The following RMND1 variants were observed in gnomAD, a reference collection of about 807,000 sequenced individuals.
RMND1 encodes the protein required for meiotic nuclear division protein 1 homolog.
In RMND1, 41 loss-of-function variants were observed where a neutral mutation model predicts 54.0. That is an observed-to-expected ratio of 0.76 (90% CI 0.59 to 0.98). The LOEUF (loss-of-function observed/expected upper bound fraction) is 0.98. RMND1 is among the 50% of genes least tolerant of loss of function. The pLI, the probability that RMND1 is intolerant of heterozygous loss-of-function variation, is 0.00. For missense variants in RMND1, 457 were observed against 532.0 expected (o/e 0.86, Z 1.39); for synonymous variants, 183 against 181.7 (o/e 1.01, Z -0.06).
intron 6 of RMND1, among the ~76,000 whole-genome samples, chr6:151,424,524 G>A (rs1277849335): frequency 6.6e-6 from 1 of 151,632 alleles, no homozygotes; most frequent in Non-Finnish European, 1.5e-5. Context: ...CAAATGTTCA[G>A]TAGGGGTTGG....
intron 1 of RMND1, among the ~76,000 whole-genome samples, chr6:151,450,564 T>A (rs1451904054): frequency 7.2e-6 from 1 of 138,326 alleles, no homozygotes; most frequent in Non-Finnish European, 1.5e-5. Flanking sequence ...AGCCGCCCCG[T>A]CCGGGAGGGA....
intron 4 of RMND1, 122 bp downstream of exon 4, chr6:151,433,033 T>G: frequency 1.7e-6 from 1 of 571,582 alleles, no homozygotes; most frequent in Middle Eastern, 2.7e-4. Context: ...AAATGATAAA[T>G]TTAAATCACA....
At chr6:151,423,779 G>GT (rs1554344165) in intron 6 of RMND1, 148 bp from the exon 7 acceptor site, 2 of 624,922 alleles carry the variant, frequency 3.2e-6, no homozygotes, top group East Asian at 5.5e-5. Flanking sequence ...TTTGGTCCAG[G>GT]TAATTCCCTT....
In RMND1 at chr6:151,413,347, G is replaced by A. The variant is rs1357930564; in HGVS notation, c.1200+3932C>T. 3.9e-5 allele frequency among the ~76,000 whole-genome samples: 6 copies of A among 152,296 alleles called. No individual in the cohort carries two copies. The East Asian group carries it at 1.2e-3, about 29-fold the overall frequency. On this transcript the variant is annotated intron_variant, in intron 10 of 11. Coordinates refer to ENST00000444024, the MANE Select transcript of RMND1 (RefSeq NM_017909.4). ...GCTCAGTCCAACCTCTGCCTCCTGG[G>A]TTCAAGTGATTCTCATGCCTCAGCC... is the stretch of plus-strand genomic sequence containing the variant.
rs58989493 is a variant in RMND1 at position 151,432,923 on chromosome 6, G to A, written c.689+232C>T. On this transcript the variant is annotated intron_variant, in intron 4 of 11. Coordinates refer to ENST00000444024, the MANE Select transcript of RMND1 (RefSeq NM_017909.4). ...CCGAATTTACAAAGAAAGACACCCCGGGGAAGATCATTCACTTGTTTGAAA... is the reference window on the plus strand; with the variant it reads ...CCGAATTTACAAAGAAAGACACCCCAGGGAAGATCATTCACTTGTTTGAAA... 0.097 allele frequency among the ~76,000 whole-genome samples: 14,821 copies of A among 152,132 alleles called. 2,076 individuals are homozygous for A. The highest frequency in any genetic ancestry group is 0.32 in the African/African-American group (13,059 of 41,444).
At position 151,445,736 on chromosome 6, in the gene RMND1, C is replaced by T. The variant is rs556790809; in HGVS notation, c.76G>A (p.Gly26Ser). ...TTAAGTGGTTTTAACATTAGATGAC[C>T]GATTCTTCGGCACTGATGTGCTTTT... is the stretch of plus-strand genomic sequence containing the variant. ...LSKAHQCRRI[G>S]HLMLKPLKEF... Residue 26 changes from glycine to serine, a missense_variant, in exon 2 of 12, where the codon GGT becomes AGT. By Grantham distance (56) the Gly-to-Ser change is moderately conservative (BLOSUM62 0). Transcript: ENST00000444024. 2.2e-5 allele frequency: 35 copies of T among 1,613,920 alleles called. No homozygotes were observed. The Admixed American group carries it at 2.8e-4, about 13-fold the overall frequency.
At position 151,433,192 on chromosome 6, in the gene RMND1, C is replaced by T; in HGVS notation, c.652G>A (p.Ala218Thr). ...NILVMGVENS[A>T]KEGDPGTIFF... ...ATTGTTCCAGGATCACCTTCTTTTG[C>T]AGAATTTTCCACACCCATCACCAAA... The change falls in exon 4 of 12, where the codon GCA becomes ACA. Residue 218 changes from alanine to threonine, a missense_variant. By Grantham distance (58) the Ala-to-Thr change is moderately conservative. Coordinates refer to ENST00000444024, the MANE Select transcript of RMND1 (RefSeq NM_017909.4). The T allele has an allele frequency of 6.2e-7, 1 of 1,612,422 alleles. No individual in the cohort carries two copies. Among genetic ancestry groups the T allele is most frequent in the Non-Finnish European group, 8.5e-7 (1 of 1,179,168 alleles).
intron 6 of RMND1, among the ~76,000 whole-genome samples, chr6:151,425,764 G>C (rs1395148842): frequency 6.6e-6 from 1 of 152,142 alleles, no homozygotes; most frequent in Non-Finnish European, 1.5e-5. Flanking sequence ...AAGCCAGTTA[G>C]CTGCAATTAT....
At chr6:151,422,855 T>C (rs1216021023) in intron 7 of RMND1, among the ~76,000 whole-genome samples, 1 of 152,214 alleles carries the variant, frequency 6.6e-6, no homozygotes, top group Non-Finnish European at 1.5e-5. Context: ...CTTGATTTTC[T>C]AGTATTACAT....
intron 8 of RMND1, 127 bp downstream of exon 8, chr6:151,422,414 C>T (rs1780176994): frequency 2.1e-6 from 1 of 486,006 alleles, no homozygotes; most frequent in East Asian, 3.4e-5. Flanking sequence ...ATTCTGGTAT[C>T]CAGTGGGGTC....
intron 10 of RMND1, among the ~76,000 whole-genome samples, chr6:151,416,420 C>CTTTTT (rs10557273): frequency 2.1e-5 from 2 of 93,716 alleles, no homozygotes; most frequent in African/African-American, 8.2e-5. Flanking sequence ...ATCACTACAG[C>CTTTTT]TTTTTTTTTT....
In RMND1 at chr6:151,421,407, G is replaced by A. The variant is rs9479038; in HGVS notation, c.1003-86C>T. ...AGGTCAACAGGGCAAAATCTGAAGT[G>A]GCATAATTTGGATCCTATGTAAATA... is the stretch of plus-strand genomic sequence containing the variant. On this transcript the variant is annotated intron_variant, in intron 8 of 11. Transcript: ENST00000444024. The A allele has an allele frequency of 0.035, 26,856 of 760,148 alleles. 3,384 individuals are homozygous for A. Among genetic ancestry groups the A allele is most frequent in the African/African-American group, 0.34 (19,048 of 56,726 alleles). The allele number at this position is 760,148 out of a possible 1,614,324, so 47.1% of individuals were successfully genotyped here. A position where few individuals can be genotyped will look rare whatever the true frequency, so the allele number is the denominator to read the frequency against.
chr6:151,407,544 A>C (rs1428507810), intron 10 of RMND1, among the ~76,000 whole-genome samples: 1 of 152,134 alleles, frequency 6.6e-6, no homozygotes, highest in Admixed American at 6.6e-5. Context: ...CCCAAAGTCT[A>C]TTATTAAGTC....
intron 1 of RMND1, among the ~76,000 whole-genome samples, chr6:151,451,419 G>A (rs1183302403): frequency 6.6e-6 from 1 of 152,086 alleles, no homozygotes; most frequent in Non-Finnish European, 1.5e-5. Flanking sequence ...TGAATCTTTT[G>A]AACCTTGCAT....
chr6:151,416,264 G>A (rs1780003399), intron 10 of RMND1, among the ~76,000 whole-genome samples: 1 of 151,970 alleles, frequency 6.6e-6, no homozygotes, highest in African/African-American at 2.4e-5. Context: ...ACAGGCATGA[G>A]CCACCGCACC....
chr6:151,445,198 G>T, intron 2 of RMND1, 110 bp downstream of exon 2: 1 of 1,099,688 alleles, frequency 9.1e-7, no homozygotes, highest in South Asian at 1.8e-5. Context: ...GAAGAAGTCT[G>T]AGTGACTGCT....
At chr6:151,411,037 G>A (rs907261673) in intron 10 of RMND1, among the ~76,000 whole-genome samples, 18 of 152,020 alleles carry the variant, frequency 1.2e-4, no homozygotes, top group African/African-American at 4.4e-4. Flanking sequence ...TCAGCTCATC[G>A]GAACCTTTGC....
intron 2 of RMND1, among the ~76,000 whole-genome samples, chr6:151,438,975 G>A (rs930037764): frequency 2.0e-5 from 3 of 152,098 alleles, no homozygotes; most frequent in Non-Finnish European, 4.4e-5. Context: ...TTAGCCAGGC[G>A]TGGTGGCACA....
intron 10 of RMND1, among the ~76,000 whole-genome samples, chr6:151,406,642 G>T (rs367930648): frequency 6.6e-6 from 1 of 152,116 alleles, no homozygotes; most frequent in Admixed American, 6.6e-5. Flanking sequence ...GAGCCACCGT[G>T]CCAGGCCTGG....
Sources: gnomAD v4.1 joint callset for allele counts (sites outside exome capture counted in the v4.1 genomes callset) on GRCh38, gnomAD v4.1.1 for gene constraint, MANE v1.5 for transcripts, NCBI Gene and HGNC (gene_info 2026-07-23, HGNC 2026-07-21) for gene names.